The following RBP3 variants were observed in gnomAD, a reference collection of about 807,000 sequenced individuals.
The protein encoded by RBP3 is retinol-binding protein 3.
A neutral mutation model predicts 64.8 loss-of-function variants in RBP3; 50 were observed. The observed-to-expected ratio is 0.77, with a 90% CI of 0.61 to 0.98. The LOEUF (loss-of-function observed/expected upper bound fraction) is 0.98, where lower values mean the gene tolerates loss of function less well. RBP3 is among the 50% of genes least tolerant of loss of function. The pLI, the probability that RBP3 is intolerant of heterozygous loss-of-function variation, is 0.00. For synonymous variants in RBP3, 828 were observed against 730.2 expected (o/e 1.13, Z -2.16); for missense variants, 1,712 against 1,660.5 (o/e 1.03, Z -0.54).
At position 47,349,073 on chromosome 10, in the gene RBP3, G is replaced by C. The variant is rs368101638; in HGVS notation, c.589G>C (p.Asp197His). 1.6e-5 allele frequency: 26 copies of C among 1,614,006 alleles called. No individual in the cohort carries two copies. The highest frequency in any genetic ancestry group is 2.1e-5 in the Non-Finnish European group (25 of 1,180,028). ...CCCAGGGAACACCATCCTGCACGTG[G>C]ACACTATCTACAACCGCCCCTCCAA... ...LHPGNTILHV[D>H]TIYNRPSNTT... Residue 197 changes from aspartate to histidine, a missense_variant, in exon 1 of 4, where the codon GAC (aspartate) becomes CAC (histidine). Transcript: ENST00000584701.
intron 1 of RBP3, 60 bp downstream of exon 1, chr10:47,351,598 G>C (rs782612772): frequency 7.6e-6 from 12 of 1,587,254 alleles, no homozygotes; most frequent in Non-Finnish European, 1.0e-5. Flanking sequence ...CCCATTGTCC[G>C]CACATGCAGG....
Position 47,350,454 on chromosome 10 carries a change from T to C in RBP3, c.1970T>C (p.Val657Ala), listed in dbSNP as rs1555211384. 6.2e-7 allele frequency: 1 copy of C among 1,612,416 alleles called. No homozygotes were observed. The part of the protein sequence containing the change: ...LEAHYARPEV[V>A]GQTSALLRAK... ...GCCCACTATGCTCGGCCAGAGGTCG[T>C]GGGGCAGACCAGTGCCCTCCTGCGG... Residue 657 changes from valine (V) to alanine (A), a missense_variant, in exon 1 of 4, where the codon GTG (valine) becomes GCG (alanine). Transcript: ENST00000584701.
At position 47,348,762 on chromosome 10, in the gene RBP3, C is replaced by T. The variant is rs190532119; in HGVS notation, c.278C>T (p.Pro93Leu). The T allele has an allele frequency of 6.2e-7, 1 of 1,613,570 alleles. No individual in the cohort carries two copies. Among genetic ancestry groups the T allele is most frequent in the African/African-American group, 1.3e-5 (1 of 75,028 alleles). ...CCTCGCCTGGTCATCTCCTATGAGC[C>T]CAGCACCCCCGAGCCTCCCCCACAA... ...NDPRLVISYE[P>L]STPEPPPQVP... is the part of the protein sequence containing the mutation. The change falls in exon 1 of 4, where the codon CCC becomes CTC. Residue 93 changes from proline (P) to leucine (L), a missense_variant. Physicochemically the swap from Pro to Leu is moderately conservative, Grantham distance 98. Transcript: ENST00000584701.
In RBP3 at chr10:47,348,716, G is replaced by C. The variant is rs782207485; in HGVS notation, c.232G>C (p.Val78Leu). Reference protein sequence around the residue: ...QTLASVLTAGVQSSLNDPRLV... With the variant: ...QTLASVLTAGLQSSLNDPRLV... The stretch of plus-strand genomic sequence containing the variant: ...GCTGGCCAGTGTGCTGACAGCCGGG[G>C]TGCAGAGCTCCCTGAACGATCCTCG... The change falls in exon 1 of 4, where the codon GTG becomes CTG. Residue 78 changes from valine (V) to leucine (L), a missense_variant. Transcript: ENST00000584701. The C allele has an allele frequency of 6.2e-7, 1 of 1,613,618 alleles. No individual in the cohort carries two copies. The highest frequency in any genetic ancestry group is 8.5e-7 in the Non-Finnish European group (1 of 1,180,030).
chr10:47,350,244 G>A lies in RBP3; in HGVS notation c.1760G>A (p.Gly587Asp), dbSNP rs781977282. 2 of 1,607,406 alleles carry A rather than the reference G, an allele frequency of 1.2e-6. No individual in the cohort carries two copies. Among genetic ancestry groups the A allele is most frequent in the East Asian group, 2.2e-5 (1 of 44,894 alleles). ...RTVPLLDTPE[G>D]SLALTVPVLT... ...GTGCCGCTGCTGGACACACCCGAAG[G>A]CAGCCTCGCGCTCACCGTGCCGGTC... The change falls in exon 1 of 4, where the codon GGC becomes GAC. Residue 587 changes from glycine to aspartate, a missense_variant. Transcript: ENST00000584701.
rs1555211070 is a variant in RBP3 at position 47,349,375 on chromosome 10, G to A, written c.891G>A (p.Glu297=). 5 of 1,611,990 alleles carry A rather than the reference G, an allele frequency of 3.1e-6. No homozygotes were observed. In the South Asian group the frequency reaches 3.3e-5, roughly 11 times the overall value. Residue 297 remains glutamate (E), a synonymous_variant, in exon 1 of 4, where the codon GAG becomes GAA. Transcript: ENST00000584701. ...GPLGGGSQTW[E]GSGVLPCVGT... ...TTGGTGGAGGCAGCCAGACGTGGGA[G>A]GGCAGCGGGGTGCTGCCCTGTGTGG... is the stretch of plus-strand genomic sequence containing the variant.
intron 2 of RBP3, among the ~76,000 whole-genome samples, chr10:47,354,263 G>A (rs926524101): frequency 3.3e-5 from 5 of 152,172 alleles, no homozygotes; most frequent in African/African-American, 1.2e-4. Context: ...GGGTCCATTG[G>A]TGGACATGCC....
In RBP3 at chr10:47,349,213, G is replaced by C. The variant is rs201362886; in HGVS notation, c.729G>C (p.Ala243=). Residue 243 remains alanine (A), a synonymous_variant, in exon 1 of 4, where the codon GCG becomes GCC. Coordinates refer to ENST00000584701, the MANE Select transcript of RBP3 (RefSeq NM_002900.3). ...SQTRGVAEDI[A]HILKQMRRAI... is the part of the protein sequence containing the mutation. ...CCAGGGGCGTGGCCGAGGACATCGCGCACATCCTTAAGCAGATGCGCAGGG... is the reference window on the plus strand; with the variant it reads ...CCAGGGGCGTGGCCGAGGACATCGCCCACATCCTTAAGCAGATGCGCAGGG... 1.9e-6 allele frequency: 3 copies of C among 1,613,520 alleles called. No individual in the cohort carries two copies. Among genetic ancestry groups the C allele is most frequent in the Middle Eastern group, 3.3e-4 (2 of 6,062 alleles).
rs782166426 is a variant in RBP3, at chr10:47,350,485, G to A, written c.2001G>A (p.Lys667=). Residue 667 remains lysine (K), a synonymous_variant, in exon 1 of 4, where the codon AAG becomes AAA. Transcript: ENST00000584701. ...VGQTSALLRA[K]LAQGAYRTAV... ...AGACCAGTGCCCTCCTGCGGGCCAA[G>A]CTGGCCCAGGGCGCCTACCGCACAG... 4.3e-6 allele frequency: 7 copies of A among 1,612,690 alleles called. No homozygotes were observed. The highest frequency in any genetic ancestry group is 1.7e-5 in the Admixed American group (1 of 60,030).
rs782396927 is a variant in RBP3 at position 47,349,550 on chromosome 10, A to G, written c.1066A>G (p.Ser356Gly). 1.7e-5 allele frequency: 27 copies of G among 1,613,068 alleles called. No individual in the cohort carries two copies. In the South Asian group the frequency reaches 2.6e-4, roughly 16 times the overall value. Residue 356 changes from serine (S) to glycine (G), a missense_variant, in exon 1 of 4, where the codon AGC becomes GGC. Transcript: ENST00000584701. Reference sequence around the variant, plus strand: ...GCCCACCCTGCTGCAGCACTTGGCCAGCATGGACTTCTCCACGGTGGTCTC... The same window carrying G: ...GCCCACCCTGCTGCAGCACTTGGCCGGCATGGACTTCTCCACGGTGGTCTC... ...RVPTLLQHLA[S>G]MDFSTVVSEE... is the part of the protein sequence containing the mutation.
Position 47,351,114 on chromosome 10 carries a change from T to C in RBP3, c.2630T>C (p.Leu877Pro), listed in dbSNP as rs1335079554. 18 of 1,612,708 alleles carry C rather than the reference T, an allele frequency of 1.1e-5. No homozygotes were observed. The highest frequency in any genetic ancestry group is 1.5e-5 in the Non-Finnish European group (18 of 1,180,034). The change falls in exon 1 of 4, where the codon CTC (leucine) becomes CCC (proline). Residue 877 changes from leucine to proline, a missense_variant. Physicochemically the swap from Leu to Pro is moderately conservative, Grantham distance 98. Transcript: ENST00000584701. The stretch of plus-strand genomic sequence containing the variant: ...GGGGAGCCCACGGCCGGAGGCGCAC[T>C]CTCTGTGGGCATCTACCAGGTGGGC... ...VIGEPTAGGA[L>P]SVGIYQVGSS...
Position 47,357,093 on chromosome 10 carries a change from G to A in RBP3, c.3389-9G>A. ...TGACCCCCATCCTGAAGGGCCTTAT[G>A]TCTTCCAGGTGAACGCTATGGCTCC... On this transcript the variant is annotated splice_polypyrimidine_tract_variant and intron_variant, in intron 3 of 3. Coordinates refer to ENST00000584701, the MANE Select transcript of RBP3 (RefSeq NM_002900.3). 6.2e-7 allele frequency: 1 copy of A among 1,607,566 alleles called. No individual in the cohort carries two copies. The highest frequency in any genetic ancestry group is 8.5e-7 in the Non-Finnish European group (1 of 1,179,612).
chr10:47,352,327 A>T (rs1555211674), intron 1 of RBP3, among the ~76,000 whole-genome samples: 2 of 152,134 alleles, frequency 1.3e-5, no homozygotes, highest in African/African-American at 4.8e-5. Context: ...GCATTGGCCA[A>T]GAGTTGCCCT....
chr10:47,349,934 G>A lies in RBP3; in HGVS notation c.1450G>A (p.Gly484Arg), dbSNP rs781986486. 12 of 1,612,384 alleles carry A rather than the reference G, an allele frequency of 7.4e-6. No individual in the cohort carries two copies. Among genetic ancestry groups the A allele is most frequent in the Non-Finnish European group, 1.0e-5 (12 of 1,179,408 alleles). ...LIMDLRHNPG[G>R]PSSAVPLLLS... The stretch of plus-strand genomic sequence containing the variant: ...CATGGACCTGCGCCACAACCCTGGA[G>A]GGCCATCCTCTGCTGTGCCCCTGCT... The change falls in exon 1 of 4, where the codon GGG (glycine) becomes AGG (arginine). Residue 484 changes from glycine to arginine, a missense_variant. Transcript: ENST00000584701.
At position 47,349,739 on chromosome 10, in the gene RBP3, G is replaced by C. The variant is rs201678977; in HGVS notation, c.1255G>C (p.Glu419Gln). 1 of 1,612,632 alleles carries C rather than the reference G, an allele frequency of 6.2e-7. No homozygotes were observed. Among genetic ancestry groups the C allele is most frequent in the South Asian group, 1.1e-5 (1 of 91,084 alleles). ...PGVAPELPED[E>Q]AIRQALVDSV... is the part of the protein sequence containing the mutation. ...GGTGGCCCCAGAGTTGCCTGAGGACGAGGCTATCCGGCAAGCACTGGTGGA... is the reference window on the plus strand; with the variant it reads ...GGTGGCCCCAGAGTTGCCTGAGGACCAGGCTATCCGGCAAGCACTGGTGGA... The change falls in exon 1 of 4, where the codon GAG (glutamate) becomes CAG (glutamine). Residue 419 changes from glutamate to glutamine, a missense_variant. Coordinates refer to ENST00000584701, the MANE Select transcript of RBP3 (RefSeq NM_002900.3).
chr10:47,351,685 C>T (rs1156779419), intron 1 of RBP3, 147 bp downstream of exon 1: 1 of 1,001,000 alleles, frequency 1.0e-6, no homozygotes. Context: ...GTCCTTTCCT[C>T]TTTCTCAACC....
chr10:47,350,202 T>C lies in RBP3; in HGVS notation c.1718T>C (p.Leu573Pro). ...TLVGEITAGN[L>P]LHTRTVPLLD... Reference sequence around the variant, plus strand: ...GTAGGTGAGATCACCGCGGGCAACCTGCTGCACACCCGCACGGTGCCGCTG... The same window carrying C: ...GTAGGTGAGATCACCGCGGGCAACCCGCTGCACACCCGCACGGTGCCGCTG... The change falls in exon 1 of 4, where the codon CTG (leucine) becomes CCG (proline). Residue 573 changes from leucine (L) to proline (P), a missense_variant. Physicochemically the swap from Leu to Pro is moderately conservative, Grantham distance 98. Coordinates refer to ENST00000584701, the MANE Select transcript of RBP3 (RefSeq NM_002900.3). The C allele has an allele frequency of 1.2e-6, 2 of 1,610,456 alleles. No individual in the cohort carries two copies. Among genetic ancestry groups the C allele is most frequent in the East Asian group, 2.2e-5 (1 of 44,880 alleles).
intron 2 of RBP3, 107 bp from the exon 3 acceptor site, chr10:47,355,269 C>T: frequency 7.0e-7 from 1 of 1,437,372 alleles, no homozygotes; most frequent in Non-Finnish European, 9.6e-7. Flanking sequence ...CTGAGGCTGC[C>T]AAGAATTAGA....
In RBP3 at chr10:47,350,266, G is replaced by T; in HGVS notation, c.1782G>T (p.Pro594=). ...TPEGSLALTV[P]VLTFIDNHGE... is the part of the protein sequence containing the mutation. ...AAGGCAGCCTCGCGCTCACCGTGCC[G>T]GTCCTCACCTTCATCGACAATCACG... The change falls in exon 1 of 4, where the codon CCG becomes CCT. Residue 594 remains proline (P), a synonymous_variant. Coordinates refer to ENST00000584701, the MANE Select transcript of RBP3 (RefSeq NM_002900.3). 1 of 1,607,676 alleles carries T rather than the reference G, an allele frequency of 6.2e-7. No individual in the cohort carries two copies. Among genetic ancestry groups the T allele is most frequent in the South Asian group, 1.1e-5 (1 of 91,080 alleles).
Sources: allele counts gnomAD v4.1 joint callset (sites outside exome capture counted in the v4.1 genomes callset), GRCh38; gene constraint gnomAD v4.1.1; transcripts MANE v1.5; gene names NCBI Gene and HGNC (gene_info 2026-07-23, HGNC 2026-07-21).